THRB: variants seen among roughly 807,000 people sequenced by gnomAD.
The protein encoded by THRB is thyroid hormone receptor beta, also known as nuclear receptor subfamily 1 group A member 2.
A neutral mutation model predicts 47.8 loss-of-function variants in THRB; 12 were observed. The observed-to-expected ratio is 0.25, with a 90% CI of 0.16 to 0.41. The LOEUF (loss-of-function observed/expected upper bound fraction) is 0.41, where lower values mean the gene tolerates loss of function less well. Ranked by LOEUF, THRB falls within the 10% of genes least tolerant of loss-of-function variation. THRB has a pLI of 1.00. For synonymous variants in THRB, 218 were observed against 212.2 expected (o/e 1.03, Z -0.24); for missense variants, 348 against 589.2 (o/e 0.59, Z 4.24).
At chr3:24,365,763 A>G (rs2064411550) in intron 1 of THRB, among the ~76,000 whole-genome samples, 3 of 152,186 alleles carry the variant, frequency 2.0e-5, no homozygotes, top group Non-Finnish European at 2.9e-5. Context: ...CAAACAGTAT[A>G]CCTTATAATT....
At chr3:24,160,484 T>A (rs1575497515) in intron 5 of THRB, among the ~76,000 whole-genome samples, 1 of 151,492 alleles carries the variant, frequency 6.6e-6, no homozygotes, top group Non-Finnish European at 1.5e-5. Context: ...GGAAAGCAGG[T>A]GTGTGGGGTG....
intron 1 of THRB, among the ~76,000 whole-genome samples, chr3:24,490,256 A>G (rs1865710): frequency 0.19 from 29,628 of 152,174 alleles, 3,423 homozygotes; most frequent in African/African-American, 0.32. Flanking sequence ...TTTAAATAAA[A>G]CAAGGAGTTA....
chr3:24,220,044 T>C (rs574504319), intron 4 of THRB, among the ~76,000 whole-genome samples: 2 of 152,332 alleles, frequency 1.3e-5, no homozygotes, highest in Admixed American at 1.3e-4. Flanking sequence ...CCAGCTGATG[T>C]GTAATAGGCA....
chr3:24,330,167 C>T (rs1358435544), intron 2 of THRB, among the ~76,000 whole-genome samples: 1 of 151,858 alleles, frequency 6.6e-6, no homozygotes, highest in Non-Finnish European at 1.5e-5. Flanking sequence ...ATTAGCCGGG[C>T]GCGGTGGCGG....
At chr3:24,282,734 A>T (rs995914395) in intron 3 of THRB, among the ~76,000 whole-genome samples, 2 of 149,616 alleles carry the variant, frequency 1.3e-5, no homozygotes, top group Non-Finnish European at 2.9e-5. Flanking sequence ...TAGACGCAAT[A>T]AAAAATGATA....
At chr3:24,387,520 C>A (rs1468381972) in intron 1 of THRB, among the ~76,000 whole-genome samples, 1 of 152,164 alleles carries the variant, frequency 6.6e-6, no homozygotes, top group Non-Finnish European at 1.5e-5. Flanking sequence ...TGTGAGAACA[C>A]CTACCACCCT....
At chr3:24,233,245 T>C (rs150087462) in intron 3 of THRB, among the ~76,000 whole-genome samples, 75 of 152,248 alleles carry the variant, frequency 4.9e-4, no homozygotes, top group African/African-American at 1.8e-3. Context: ...CCAGGAACTT[T>C]GGAAGGCCTT....
chr3:24,381,737 T>G (rs910518892), intron 1 of THRB, among the ~76,000 whole-genome samples: 1 of 152,008 alleles, frequency 6.6e-6, no homozygotes, highest in Non-Finnish European at 1.5e-5. Context: ...AGCCATAATC[T>G]CAGTTGAGTC....
At chr3:24,182,028 C>T (rs1303663644) in intron 5 of THRB, among the ~76,000 whole-genome samples, 1 of 152,058 alleles carries the variant, frequency 6.6e-6, no homozygotes, top group Non-Finnish European at 1.5e-5. Flanking sequence ...AGTGAAACCC[C>T]ATCTCTACTA....
chr3:24,255,961 A>T (rs1399431492), intron 3 of THRB, among the ~76,000 whole-genome samples: 2 of 152,226 alleles, frequency 1.3e-5, no homozygotes, highest in Admixed American at 1.3e-4. Flanking sequence ...TGAAGGTGTC[A>T]ACATGGATGC....
intron 5 of THRB, among the ~76,000 whole-genome samples, chr3:24,173,251 C>G (rs757738151): frequency 9.8e-5 from 15 of 152,294 alleles, no homozygotes; most frequent in South Asian, 8.3e-4. Context: ...GTCAACTTTT[C>G]TAGCATCACT....
chr3:24,174,182 A>AT (rs1339259245), intron 5 of THRB, among the ~76,000 whole-genome samples: 5 of 152,174 alleles, frequency 3.3e-5, no homozygotes, highest in South Asian at 4.2e-4. Flanking sequence ...ATGTAGCCAC[A>AT]TTTTTTTAAT....
chr3:24,481,837 T>TAA (rs35810270), intron 1 of THRB, among the ~76,000 whole-genome samples: 15 of 118,960 alleles, frequency 1.3e-4, no homozygotes, highest in African/African-American at 2.9e-4. Context: ...ATATGGACCA[T>TAA]AAAAAAAAAA....
At chr3:24,338,945 A>T (rs1277471283) in intron 1 of THRB, among the ~76,000 whole-genome samples, 1 of 152,226 alleles carries the variant, frequency 6.6e-6, no homozygotes, top group Non-Finnish European at 1.5e-5. Flanking sequence ...GCTGACAGTC[A>T]GAAACTCTGA....
chr3:24,388,857 CA>C (rs925381241), intron 1 of THRB, among the ~76,000 whole-genome samples: 2 of 152,118 alleles, frequency 1.3e-5, no homozygotes, highest in African/African-American at 4.8e-5. Context: ...ACTTTTCCCA[CA>C]AAATGTACTC....
intron 1 of THRB, among the ~76,000 whole-genome samples, chr3:24,351,332 C>T (rs746542362): frequency 1.3e-5 from 2 of 152,090 alleles, no homozygotes; most frequent in Non-Finnish European, 2.9e-5. Context: ...TTACTTTGTG[C>T]AATGCCCTCC....
chr3:24,348,355 A>G (rs916455649), intron 1 of THRB, among the ~76,000 whole-genome samples: 1 of 152,108 alleles, frequency 6.6e-6, no homozygotes, highest in Non-Finnish European at 1.5e-5. Context: ...CCCAGTGACC[A>G]GGTTGTACTA....
At chr3:24,169,977 T>C (rs2040213380) in intron 5 of THRB, among the ~76,000 whole-genome samples, 1 of 149,870 alleles carries the variant, frequency 6.7e-6, no homozygotes, top group South Asian at 2.1e-4. Flanking sequence ...CTGCTCTAGC[T>C]GATCTCATCC....
intron 5 of THRB, among the ~76,000 whole-genome samples, chr3:24,185,525 C>T (rs2042458695): frequency 6.6e-6 from 1 of 152,100 alleles, no homozygotes. Flanking sequence ...TTAACTGATT[C>T]CCTCTTGCCT....
Sources: gnomAD v4.1 joint callset for allele counts (sites outside exome capture counted in the v4.1 genomes callset) on GRCh38, gnomAD v4.1.1 for gene constraint, MANE v1.5 for transcripts, NCBI Gene and HGNC (gene_info 2026-07-23, HGNC 2026-07-21) for gene names.